Variants in HLCS observed in about 807,000 individuals in gnomAD.
The protein encoded by HLCS is biotin--protein ligase.
In HLCS, 53 loss-of-function variants were observed where a neutral mutation model predicts 75.0. That is an observed-to-expected ratio of 0.71 (90% CI 0.57 to 0.89). The LOEUF is 0.89. HLCS is among the 40% of genes least tolerant of loss of function. The probability of loss-of-function intolerance (pLI) is 0.00; values close to 1 mark genes in which losing one functional copy is unlikely to be tolerated. For missense variants in HLCS, 966 were observed against 1,074.0 expected, an observed-to-expected ratio of 0.90 and a Z score of 1.41; for synonymous variants, 431 against 428.6, an observed-to-expected ratio of 1.01 and a Z score of -0.07.
intron 1 of HLCS, among the ~76,000 whole-genome samples, chr21:36,979,858 C>A (rs2069059622): frequency 6.6e-6 from 1 of 151,926 alleles, no homozygotes; most frequent in Admixed American, 6.6e-5. Flanking sequence ...AGTTCAAGAC[C>A]AGCCTGGGCA....
intron 6 of HLCS, among the ~76,000 whole-genome samples, chr21:36,811,132 T>C (rs967727632): frequency 1.3e-5 from 2 of 152,234 alleles, no homozygotes; most frequent in Non-Finnish European, 2.9e-5. Context: ...AATTAACATA[T>C]GTATTACCTC....
intron 8 of HLCS, among the ~76,000 whole-genome samples, chr21:36,761,068 C>T (rs772271893): frequency 6.6e-6 from 1 of 152,218 alleles, no homozygotes; most frequent in African/African-American, 2.4e-5. Flanking sequence ...GGTCTTCCCA[C>T]GTTGCAGGCC....
At chr21:36,867,645 CAT>C in intron 6 of HLCS, among the ~76,000 whole-genome samples, 1 of 152,314 alleles carries the variant, frequency 6.6e-6, no homozygotes, top group East Asian at 1.9e-4. Flanking sequence ...TAGAAAGTCA[CAT>C]GTTAAAGACG....
In HLCS at chr21:36,880,697, C is replaced by A. The variant is rs912514775; in HGVS notation, c.1892+16163G>T. 8.5e-4 allele frequency among the ~76,000 whole-genome samples: 129 copies of A among 152,198 alleles called. 1 individual carries two copies. Among genetic ancestry groups the A allele is most frequent in the Non-Finnish European group, 2.2e-4 (15 of 68,040 alleles). On this transcript the variant is annotated intron_variant, in intron 6 of 10. Coordinates refer to ENST00000674895, the MANE Select transcript of HLCS (RefSeq NM_001352514.2). ...GATTCCAAGCATATCAGACCCCACA[C>A]TCCGATTCCACGGCAGGTTCTATAC...
At chr21:36,898,664 A>G (rs2065115294) in intron 5 of HLCS, among the ~76,000 whole-genome samples, 1 of 152,124 alleles carries the variant, frequency 6.6e-6, no homozygotes, top group Admixed American at 6.6e-5. Flanking sequence ...TTGGATCCCA[A>G]CTTGAACAAA....
intron 6 of HLCS, among the ~76,000 whole-genome samples, chr21:36,770,184 C>T (rs1487182491): frequency 8.5e-5 from 11 of 129,104 alleles, no homozygotes; most frequent in Non-Finnish European, 1.7e-4. Flanking sequence ...CTCACTCTGT[C>T]GCCCAGGCTA....
At chr21:36,860,759 T>C (rs1299181323) in intron 6 of HLCS, among the ~76,000 whole-genome samples, 1 of 152,238 alleles carries the variant, frequency 6.6e-6, no homozygotes, top group Non-Finnish European at 1.5e-5. Flanking sequence ...AGATGCTGTG[T>C]ATGAATGGAA....
rs1065759 is a variant in HLCS, at chr21:36,930,377, G to A, written c.1494C>T (p.Asn498=). The change falls in exon 5 of 11, where the codon AAC becomes AAT. Residue 498 remains asparagine, a synonymous_variant. Coordinates refer to ENST00000674895, the MANE Select transcript of HLCS (RefSeq NM_001352514.2). ...TTCTAAAATTGCTTGACTTGAGCAA[G>A]TTAAAATCTTCTGGAGTTTGCACTA... ...SNIVQTPEDF[N]LLKSSNFRRY... 1.8e-3 allele frequency: 2,912 copies of A among 1,614,184 alleles called. 54 individuals carry two copies. In the African/African-American group the frequency reaches 0.035, roughly 19 times the overall value.
chr21:36,835,075 G>C (rs1438511501), intron 6 of HLCS, among the ~76,000 whole-genome samples: 1 of 152,122 alleles, frequency 6.6e-6, no homozygotes, highest in Non-Finnish European at 1.5e-5. Flanking sequence ...ATTCCCCAAT[G>C]TCCTGGCCGG....
At chr21:36,977,949 C>T (rs2835552) in intron 1 of HLCS, among the ~76,000 whole-genome samples, 51,618 of 152,046 alleles carry the variant, frequency 0.34, 9,098 homozygotes, top group East Asian at 0.5. Context: ...TCCTCATGAG[C>T]GCTCTTCGTG....
chr21:36,755,063 A>AAC (rs1473921125), intron 10 of HLCS, among the ~76,000 whole-genome samples: 2 of 152,144 alleles, frequency 1.3e-5, no homozygotes, highest in Non-Finnish European at 2.9e-5. Flanking sequence ...TTCACACATA[A>AAC]ACACACACAA....
chr21:36,750,269 A>C lies in HLCS; in HGVS notation c.*3977T>G, dbSNP rs2089326346. Among the ~76,000 whole-genome samples, 1 of 152,248 alleles carries C rather than the reference A, an allele frequency of 6.6e-6. No individual in the cohort carries two copies. On this transcript the variant is annotated 3_prime_UTR_variant, in exon 11 of 11. Transcript: ENST00000674895. ...AGGCCCTAACATGTACCATGTTGACAAAAATGCCAGATCAAATGGATTTGA... is the reference window on the plus strand; with the variant it reads ...AGGCCCTAACATGTACCATGTTGACCAAAATGCCAGATCAAATGGATTTGA...
At chr21:36,884,569 T>C (rs1385252963) in intron 6 of HLCS, among the ~76,000 whole-genome samples, 1 of 152,198 alleles carries the variant, frequency 6.6e-6, no homozygotes, top group Non-Finnish European at 1.5e-5. Context: ...AGCTCACTAC[T>C]AAACTAAAAT....
intron 6 of HLCS, among the ~76,000 whole-genome samples, chr21:36,773,538 C>T (rs1601181710): frequency 6.6e-6 from 1 of 152,234 alleles, no homozygotes; most frequent in South Asian, 2.1e-4. Flanking sequence ...ACCTCGAAGT[C>T]TCCCTCGGGC....
chr21:36,891,108 A>G (rs2064764952), intron 6 of HLCS, among the ~76,000 whole-genome samples: 1 of 152,222 alleles, frequency 6.6e-6, no homozygotes, highest in African/African-American at 2.4e-5. Context: ...GGTCCTGTTC[A>G]TAATACATAA....
At chr21:36,809,561 T>C (rs1005014904) in intron 6 of HLCS, among the ~76,000 whole-genome samples, 2 of 152,178 alleles carry the variant, frequency 1.3e-5, no homozygotes, top group African/African-American at 2.4e-5. Flanking sequence ...TCCTCTGTCA[T>C]TTTCCCCCTC....
intron 6 of HLCS, among the ~76,000 whole-genome samples, chr21:36,822,263 T>C (rs2061867779): frequency 6.6e-6 from 1 of 151,930 alleles, no homozygotes; most frequent in African/African-American, 2.4e-5. Flanking sequence ...CTACTAAAAA[T>C]ACAAAAATTA....
intron 6 of HLCS, among the ~76,000 whole-genome samples, chr21:36,870,325 C>A (rs944054499): frequency 6.6e-6 from 1 of 152,162 alleles, no homozygotes; most frequent in Non-Finnish European, 1.5e-5. Flanking sequence ...AAAGAGAATA[C>A]ACCTAAGTTC....
intron 6 of HLCS, among the ~76,000 whole-genome samples, chr21:36,818,611 A>G (rs1195587979): frequency 6.6e-6 from 1 of 152,184 alleles, no homozygotes; most frequent in Non-Finnish European, 1.5e-5. Context: ...TTATGTGCCT[A>G]CGCTGGGGGA....
Sources: gnomAD v4.1 joint callset for allele counts (sites outside exome capture counted in the v4.1 genomes callset) on GRCh38, gnomAD v4.1.1 for gene constraint, MANE v1.5 for transcripts, NCBI Gene and HGNC (gene_info 2026-07-23, HGNC 2026-07-21) for gene names.